RANBP2: variants seen among roughly 807,000 people sequenced by gnomAD.
RANBP2 encodes the protein RAN binding protein 2, also known as E3 SUMO-protein ligase RanBP2.
A neutral mutation model predicts 303.6 loss-of-function variants in RANBP2; 57 were observed. That is an observed-to-expected ratio of 0.19 (90% CI 0.15 to 0.23). The LOEUF (loss-of-function observed/expected upper bound fraction) is 0.23, where lower values mean the gene tolerates loss of function less well. Ranked by LOEUF, RANBP2 falls within the 10% of genes least tolerant of loss-of-function variation. The probability of loss-of-function intolerance (pLI) is 1.00; values close to 1 mark genes in which losing one functional copy is unlikely to be tolerated. For missense variants in RANBP2, 3,138 were observed against 3,780.8 expected (o/e 0.83, Z 4.46); for synonymous variants, 1,167 against 1,301.5 (o/e 0.90, Z 2.23).
chr2:109,556,833 T>C, the RANBP2 span, among the ~76,000 whole-genome samples: 6 of 152,220 alleles, frequency 3.9e-5, no homozygotes, highest in Non-Finnish European at 7.3e-5. Context: ...TGGAATGCTA[T>C]GCAGCCATAA....
chr2:109,151,609 C>G, the RANBP2 span, among the ~76,000 whole-genome samples: 1 of 152,252 alleles, frequency 6.6e-6, no homozygotes, highest in Non-Finnish European at 1.5e-5. Context: ...ATCCTTTCAT[C>G]CATGCTGAGC....
the RANBP2 span, among the ~76,000 whole-genome samples, chr2:109,490,387 A>AAG: frequency 6.6e-6 from 1 of 152,120 alleles, no homozygotes; most frequent in Non-Finnish European, 1.5e-5. Context: ...CCTGGCCCTC[A>AAG]CTGGTTCACC....
the RANBP2 span, chr2:109,398,450 T>A: frequency 1.0e-4 from 81 of 790,290 alleles, 1 homozygote; most frequent in South Asian, 1.5e-3. Flanking sequence ...CACCAGCCTC[T>A]TCTGTGTTTT....
the RANBP2 span, among the ~76,000 whole-genome samples, chr2:108,975,664 G>T: frequency 1.3e-5 from 2 of 152,152 alleles, no homozygotes; most frequent in Non-Finnish European, 2.9e-5. Context: ...GGTGCGGTCT[G>T]GGAGCTAAGG....
chr2:109,322,212 G>A, the RANBP2 span, among the ~76,000 whole-genome samples: 1,351 of 152,248 alleles, frequency 8.9e-3, 11 homozygotes, highest in Non-Finnish European at 0.013. Flanking sequence ...GGAATCCCCC[G>A]AATAATCACC....
At chr2:109,501,041 G>T in the RANBP2 span, among the ~76,000 whole-genome samples, 2 of 152,248 alleles carry the variant, frequency 1.3e-5, no homozygotes, top group African/African-American at 4.8e-5. Flanking sequence ...CTGCAGTTGA[G>T]GAGCGTGCTT....
chr2:109,540,077 A>C, the RANBP2 span, among the ~76,000 whole-genome samples: 1 of 152,162 alleles, frequency 6.6e-6, no homozygotes, highest in Non-Finnish European at 1.5e-5. Flanking sequence ...GCTGAGCAAA[A>C]CAAGTTCCCT....
At chr2:108,965,536 T>G in the RANBP2 span, among the ~76,000 whole-genome samples, 1 of 152,142 alleles carries the variant, frequency 6.6e-6, no homozygotes, top group South Asian at 2.1e-4. Flanking sequence ...AGAAAAACAT[T>G]ACAGACAGGA....
the RANBP2 span, among the ~76,000 whole-genome samples, chr2:108,842,701 T>C: frequency 6.6e-6 from 1 of 152,078 alleles, no homozygotes; most frequent in Non-Finnish European, 1.5e-5. Context: ...GAATCAAACA[T>C]ATTTAGGAAC....
At chr2:108,800,050 T>C in the RANBP2 span, among the ~76,000 whole-genome samples, 1 of 152,222 alleles carries the variant, frequency 6.6e-6, no homozygotes, top group Non-Finnish European at 1.5e-5. Flanking sequence ...GTTTAAAAAC[T>C]ATGTATCACC....
chr2:109,615,128 C>G, the RANBP2 span: 1 of 1,549,748 alleles, frequency 6.5e-7, no homozygotes, highest in Non-Finnish European at 8.7e-7. Flanking sequence ...TGGGCAGCTC[C>G]CCGCAGCTGA....
chr2:109,122,557 T>C, the RANBP2 span, among the ~76,000 whole-genome samples: 1 of 152,180 alleles, frequency 6.6e-6, no homozygotes, highest in Non-Finnish European at 1.5e-5. Context: ...GGGTTTGGTC[T>C]TACTAAAGCC....
At chr2:109,061,906 G>C in the RANBP2 span, among the ~76,000 whole-genome samples, 1 of 152,168 alleles carries the variant, frequency 6.6e-6, no homozygotes, top group African/African-American at 2.4e-5. Context: ...ATTCCCAGCA[G>C]TGGGGGTCAG....
At chr2:109,401,629 G>C in the RANBP2 span, among the ~76,000 whole-genome samples, 1 of 152,208 alleles carries the variant, frequency 6.6e-6, no homozygotes, top group Admixed American at 6.5e-5. Flanking sequence ...TTGCAAAGCT[G>C]CTGCTGTGTC....
the RANBP2 span, among the ~76,000 whole-genome samples, chr2:108,995,499 A>T: frequency 6.6e-6 from 1 of 152,198 alleles, no homozygotes; most frequent in Non-Finnish European, 1.5e-5. Context: ...GGTCAGCAAA[A>T]GAAAGCCAAA....
the RANBP2 span, among the ~76,000 whole-genome samples, chr2:108,984,761 T>A: frequency 6.6e-6 from 1 of 152,050 alleles, no homozygotes; most frequent in East Asian, 1.9e-4. Flanking sequence ...GCTCTGTGAG[T>A]GCAGGGATGT....
At chr2:109,075,472 C>T in the RANBP2 span, among the ~76,000 whole-genome samples, 847 of 149,906 alleles carry the variant, frequency 5.7e-3, 45 homozygotes, top group Non-Finnish European at 8.9e-3. Context: ...GTGATCTGCC[C>T]GCCTTGGCCT....
the RANBP2 span, among the ~76,000 whole-genome samples, chr2:109,742,895 G>A: frequency 4.7e-5 from 7 of 148,556 alleles, no homozygotes; most frequent in East Asian, 7.7e-4. Flanking sequence ...ATGCCAACAG[G>A]TATAGTCAAC....
chr2:108,974,222 T>C, the RANBP2 span, among the ~76,000 whole-genome samples: 1 of 145,380 alleles, frequency 6.9e-6, no homozygotes, highest in Admixed American at 7.2e-5. Flanking sequence ...CCCAGCTAGT[T>C]GGGAGGTTGA....
Sources: gnomAD v4.1 joint callset for allele counts (sites outside exome capture counted in the v4.1 genomes callset) on GRCh38, gnomAD v4.1.1 for gene constraint, MANE v1.5 for transcripts, NCBI Gene and HGNC (gene_info 2026-07-23, HGNC 2026-07-21) for gene names.